Variants in DNHD1 observed in about 807,000 individuals in gnomAD.
The protein encoded by DNHD1 is dynein heavy chain domain-containing protein 1.
In DNHD1, 383 loss-of-function variants were observed where a neutral mutation model predicts 458.1. The ratio of observed to expected loss-of-function variants is 0.84; its 90% CI spans 0.77 to 0.91. The LOEUF (loss-of-function observed/expected upper bound fraction) is 0.91, where lower values mean the gene tolerates loss of function less well. DNHD1 is among the 40% of genes least tolerant of loss of function. The pLI is 0.00. For synonymous variants in DNHD1, 2,203 were observed against 2,376.9 expected (o/e 0.93, Z 2.13); for missense variants, 5,336 against 5,866.1 (o/e 0.91, Z 2.95).
chr11:6,557,200 C>A lies in DNHD1; in HGVS notation c.7905C>A (p.Thr2635=). 7.1e-6 allele frequency: 11 copies of A among 1,551,634 alleles called. No homozygotes were observed. The highest frequency in any genetic ancestry group is 8.7e-6 in the Non-Finnish European group (10 of 1,147,008). The part of the protein sequence containing the change: ...RVSGLRGTCL[T]VMMATRNVVR... Reference sequence around the variant, plus strand: ...CAGGCCTGCGAGGCACTTGTCTGACCGTTATGATGGCCACACGCAATGTGG... The same window carrying A: ...CAGGCCTGCGAGGCACTTGTCTGACAGTTATGATGGCCACACGCAATGTGG... Residue 2635 remains threonine, a synonymous_variant, in exon 25 of 43, where the codon ACC becomes ACA. Transcript: ENST00000254579.
Position 6,571,298 on chromosome 11 carries a change from T to C in DNHD1, c.13786T>C (p.Leu4596=), listed in dbSNP as rs1295854692. The C allele has an allele frequency of 1.2e-6, 2 of 1,612,452 alleles. No individual in the cohort carries two copies. The highest frequency in any genetic ancestry group is 1.7e-6 in the Non-Finnish European group (2 of 1,179,636). ...CCACCCGCGCCGCCTGCTGCTGGCA[T>C]TGCGTGGGGAAGCTGCCCTGGACCA... ...FRHPRRLLLA[L]RGEAALDQNV... is the part of the protein sequence containing the mutation. The change falls in exon 42 of 43, where the codon TTG becomes CTG. Residue 4596 remains leucine (L), a synonymous_variant. Transcript: ENST00000254579. This position sits in a 1 kb window ranked among gnomAD's most constrained non-coding sequence, Gnocchi z 5.0.
At position 6,528,691 on chromosome 11, in the gene DNHD1, C is replaced by A; in HGVS notation, c.2007C>A (p.Gly669=). 6.4e-7 allele frequency: 1 copy of A among 1,551,700 alleles called. No individual in the cohort carries two copies. The highest frequency in any genetic ancestry group is 8.7e-7 in the Non-Finnish European group (1 of 1,146,996). The part of the protein sequence containing the change: ...ILEVRGCRLR[G]QYFPHNYKQL... Reference sequence around the variant, plus strand: ...AGGTCCGTGGATGTCGGCTGCGGGGCCAATACTTCCCCCACAATTATAAGC... The same window carrying A: ...AGGTCCGTGGATGTCGGCTGCGGGGACAATACTTCCCCCACAATTATAAGC... The change falls in exon 11 of 43, where the codon GGC becomes GGA. Residue 669 remains glycine, a synonymous_variant. Coordinates refer to ENST00000254579, the MANE Select transcript of DNHD1 (RefSeq NM_144666.3).
intron 10 of DNHD1, among the ~76,000 whole-genome samples, chr11:6,522,297 T>C (rs1265512791): frequency 6.6e-6 from 1 of 152,204 alleles, no homozygotes; most frequent in South Asian, 2.1e-4. Flanking sequence ...GGTTGTCTGT[T>C]TACTCTGTTG....
At chr11:6,538,832 G>A (rs1340162760) in intron 16 of DNHD1, 22 bp downstream of exon 16, 1 of 1,476,590 alleles carries the variant, frequency 6.8e-7, no homozygotes, top group South Asian at 1.4e-5. Flanking sequence ...TAATGTCAGA[G>A]GAGGGGGAAA....
intron 25 of DNHD1, 23 bp downstream of exon 25, chr11:6,558,320 C>T (rs1195608560): frequency 6.5e-6 from 10 of 1,545,322 alleles, no homozygotes; most frequent in African/African-American, 2.7e-5. Flanking sequence ...ACCCCATATG[C>T]GAATCTGCTC....
Position 6,533,086 on chromosome 11 carries a change from A to T in DNHD1, c.2407A>T (p.Asn803Tyr), listed in dbSNP as rs80286948. 253 of 1,551,680 alleles carry T rather than the reference A, an allele frequency of 1.6e-4. 1 individual carries two copies. The East Asian group carries it at 6.0e-3, about 37-fold the overall frequency. ...TGCACACGTGCAAAATGAGTGCTGG[A>T]ACCTCAGTCAACAACTCATGACAGA... The part of the protein sequence containing the change: ...ILAHVQNECW[N>Y]LSQQLMTELT... The change falls in exon 13 of 43, where the codon AAC (asparagine) becomes TAC (tyrosine). Residue 803 changes from asparagine (N) to tyrosine (Y), a missense_variant. Coordinates refer to ENST00000254579, the MANE Select transcript of DNHD1 (RefSeq NM_144666.3).
At position 6,546,348 on chromosome 11, in the gene DNHD1, T is replaced by C; in HGVS notation, c.5409T>C (p.Cys1803=). 1 of 1,552,322 alleles carries C rather than the reference T, an allele frequency of 6.4e-7. No individual in the cohort carries two copies. Among genetic ancestry groups the C allele is most frequent in the East Asian group, 2.4e-5 (1 of 40,916 alleles). Residue 1803 remains cysteine (C), a synonymous_variant, in exon 21 of 43, where the codon TGT becomes TGC. Transcript: ENST00000254579. ...TGTCTGTGCGCCTTGGCTATGGCTG[T>C]CTCCTGGTACTGCGTGCCCTGAGCT... ...HHVSVRLGYG[C]LLVLRALSSA... is the part of the protein sequence containing the mutation.
At chr11:6,515,872 C>T (rs1319897207) in intron 7 of DNHD1, among the ~76,000 whole-genome samples, 1 of 150,988 alleles carries the variant, frequency 6.6e-6, no homozygotes, top group Non-Finnish European at 1.5e-5. Flanking sequence ...GCAACCTCCA[C>T]CCCCTTGGGC....
At chr11:6,532,976 G>C in intron 12 of DNHD1, 51 bp from the exon 13 acceptor site, 1 of 1,527,428 alleles carries the variant, frequency 6.5e-7, no homozygotes, top group Non-Finnish European at 8.8e-7. Flanking sequence ...ACTGTCCCCA[G>C]CACCCCTTCT....
chr11:6,566,885 GTGTA>G lies in DNHD1; in HGVS notation c.11386-7_11386-4del, dbSNP rs1853713787. 2 of 1,610,058 alleles carry G rather than the reference GTGTA, an allele frequency of 1.2e-6. No homozygotes were observed. The highest frequency in any genetic ancestry group is 1.7e-6 in the Non-Finnish European group (2 of 1,177,882). On this transcript the variant is annotated splice_polypyrimidine_tract_variant and splice_region_variant and intron_variant, in intron 35 of 42. Coordinates refer to ENST00000254579, the MANE Select transcript of DNHD1 (RefSeq NM_144666.3). ...AGGGCCAGATCCATCCAACAAATGAGTGTATGCAGGAGCGGCTGCTGACGATGCT... is the reference window on the plus strand; with the variant it reads ...AGGGCCAGATCCATCCAACAAATGAGTGCAGGAGCGGCTGCTGACGATGCT...
At chr11:6,517,093 T>C (rs897055240) in intron 7 of DNHD1, among the ~76,000 whole-genome samples, 2 of 152,206 alleles carry the variant, frequency 1.3e-5, no homozygotes, top group East Asian at 3.9e-4. Flanking sequence ...TCAGTCCTCA[T>C]AGGTGGCACC....
chr11:6,557,683 G>C lies in DNHD1; in HGVS notation c.8388G>C (p.Gln2796His). 1 of 1,551,710 alleles carries C rather than the reference G, an allele frequency of 6.4e-7. No individual in the cohort carries two copies. Among genetic ancestry groups the C allele is most frequent in the Non-Finnish European group, 8.7e-7 (1 of 1,146,994 alleles). Residue 2796 changes from glutamine to histidine, a missense_variant, in exon 25 of 43, where the codon CAG becomes CAC. Physicochemically the swap from Gln to His is conservative, Grantham distance 24. Transcript: ENST00000254579. ...AGACTTGGTGGCAGAAGAAACCCCA[G>C]ATGGACCTGATCTCACCCTTGTTGT... Reference protein sequence around the residue: ...SFKTWWQKKPQMDLISPLLLP... With the variant: ...SFKTWWQKKPHMDLISPLLLP...
intron 4 of DNHD1, among the ~76,000 whole-genome samples, chr11:6,507,379 T>G (rs1282516990): frequency 6.6e-6 from 1 of 152,178 alleles, no homozygotes; most frequent in African/African-American, 2.4e-5. Context: ...GCAATACATA[T>G]GGATTGATAT....
At chr11:6,510,092 T>TTG (rs1275620704) in intron 6 of DNHD1, among the ~76,000 whole-genome samples, 4 of 152,058 alleles carry the variant, frequency 2.6e-5, no homozygotes, top group Admixed American at 6.6e-5. Flanking sequence ...AAAAGAATTT[T>TTG]TTTTTTTTTA....
At chr11:6,536,870 TG>T (rs1852962355) in intron 14 of DNHD1, among the ~76,000 whole-genome samples, 1 of 152,240 alleles carries the variant, frequency 6.6e-6, no homozygotes, top group Non-Finnish European at 1.5e-5. Context: ...AAAGATTGTA[TG>T]GGACTCTAGC....
rs11040917 is a variant in DNHD1, at chr11:6,552,221, T to C, written c.7387+3288T>C. On this transcript the variant is annotated intron_variant, in intron 24 of 42. Coordinates refer to ENST00000254579, the MANE Select transcript of DNHD1 (RefSeq NM_144666.3). ...TAAAGAACTACTTGAGACTGGGTAA[T>C]TCATAAAGAAAAGAGGGTTAGGCCA... 1.8e-3 allele frequency among the ~76,000 whole-genome samples: 265 copies of C among 150,194 alleles called. 6 individuals are homozygous for C. In the East Asian group the frequency reaches 0.05, roughly 28 times the overall value.
chr11:6,520,503 G>A (rs1224260145), intron 10 of DNHD1: 3 of 1,415,410 alleles, frequency 2.1e-6, no homozygotes, highest in Non-Finnish European at 1.8e-6. Flanking sequence ...ATGTGTATGT[G>A]CGTGCAATGA....
At position 6,563,063 on chromosome 11, in the gene DNHD1, A is replaced by C. The variant is rs1350731242; in HGVS notation, c.9601A>C (p.Asn3201His). 9 of 1,551,504 alleles carry C rather than the reference A, an allele frequency of 5.8e-6. No individual in the cohort carries two copies. Among genetic ancestry groups the C allele is most frequent in the Admixed American group, 2.0e-5 (1 of 50,984 alleles). The change falls in exon 29 of 43, where the codon AAC becomes CAC. Residue 3201 changes from asparagine to histidine, a missense_variant. Around this residue, in one of 4 missense-constraint regions of DNHD1, gnomAD observed 3,932 missense variants for 4,365.6 expected, o/e 0.90. Coordinates refer to ENST00000254579, the MANE Select transcript of DNHD1 (RefSeq NM_144666.3). ...QQLEECRHQE[N>H]LIENLARQRD... ...GCTGGAAGAGTGTCGGCATCAAGAG[A>C]ACCTCATTGAGAACCTGGCCAGGCA...
rs772312325 is a variant in DNHD1, at chr11:6,509,044, C to T, written c.1085C>T (p.Pro362Leu). 2 of 1,614,198 alleles carry T rather than the reference C, an allele frequency of 1.2e-6. No individual in the cohort carries two copies. Among genetic ancestry groups the T allele is most frequent in the South Asian group, 2.2e-5 (2 of 91,082 alleles). ...CTCTGGCAGCAGCTCCAGTTCATTC[C>T]ATTCTTTAAGTATTGCCTCTTACGC... The part of the protein sequence containing the change: ...CVLWQQLQFI[P>L]FFKYCLLRKS... The change falls in exon 5 of 43, where the codon CCA becomes CTA. Residue 362 changes from proline (P) to leucine (L), a missense_variant. Physicochemically the swap from Pro to Leu is moderately conservative, Grantham distance 98 (BLOSUM62 -3). Coordinates refer to ENST00000254579, the MANE Select transcript of DNHD1 (RefSeq NM_144666.3).
Sources: gnomAD v4.1 joint callset for allele counts (sites outside exome capture counted in the v4.1 genomes callset) on GRCh38, gnomAD v4.1.1 for gene constraint, gnomAD v4.1.1 regional missense constraint, Gnocchi (gnomAD v3.1) non-coding constraint, MANE v1.5 for transcripts, NCBI Gene and HGNC (gene_info 2026-07-23, HGNC 2026-07-21) for gene names.